The following SGCZ variants were observed in gnomAD, a reference collection of about 807,000 sequenced individuals.
The protein encoded by SGCZ is zeta-sarcoglycan.
Under a neutral mutation model 41.3 loss-of-function variants are expected in SGCZ, and 40 were observed. The observed-to-expected ratio is 0.97, with a 90% CI of 0.75 to 1.26. SGCZ has a LOEUF of 1.26. Ranked by LOEUF, SGCZ falls within the 50% of genes most tolerant of loss-of-function variation. SGCZ has a pLI of 0.00. For synonymous variants in SGCZ, 206 were observed against 137.5 expected (o/e 1.50, Z -3.49); for missense variants, 552 against 369.8 (o/e 1.49, Z -4.04).
At chr8:14,381,371 G>C (rs1804355811) in intron 2 of SGCZ, among the ~76,000 whole-genome samples, 1 of 152,176 alleles carries the variant, frequency 6.6e-6, no homozygotes, top group African/African-American at 2.4e-5. Context: ...CAGCCATCCT[G>C]ATATTAATAA....
chr8:14,331,201 C>T (rs1011676981), intron 2 of SGCZ, among the ~76,000 whole-genome samples: 5 of 151,680 alleles, frequency 3.3e-5, no homozygotes, highest in African/African-American at 9.7e-5. Flanking sequence ...AAAAGGAATA[C>T]ATAAAGAATG....
At chr8:14,755,807 C>T (rs530390813) in intron 1 of SGCZ, among the ~76,000 whole-genome samples, 28 of 152,018 alleles carry the variant, frequency 1.8e-4, no homozygotes, top group African/African-American at 5.5e-4. Context: ...CCTCTACAGA[C>T]TTTCATGTAA....
intron 1 of SGCZ, among the ~76,000 whole-genome samples, chr8:15,040,188 T>C (rs1415515669): frequency 6.6e-6 from 1 of 152,218 alleles, no homozygotes; most frequent in Non-Finnish European, 1.5e-5. Context: ...ATACTAATGG[T>C]TCTAAAGCAA....
At chr8:14,219,153 G>C (rs1806102065) in intron 4 of SGCZ, among the ~76,000 whole-genome samples, 1 of 152,176 alleles carries the variant, frequency 6.6e-6, no homozygotes, top group Non-Finnish European at 1.5e-5. Context: ...AAGAAAAGTG[G>C]ATTTTTGATG....
intron 1 of SGCZ, among the ~76,000 whole-genome samples, chr8:14,816,359 CAATT>C (rs1003425129): frequency 1.3e-5 from 2 of 152,164 alleles, no homozygotes; most frequent in African/African-American, 2.4e-5. Flanking sequence ...AACACTTTGA[CAATT>C]AGTTAAGTGT....
intron 1 of SGCZ, among the ~76,000 whole-genome samples, chr8:14,584,207 T>C (rs906990114): frequency 6.6e-6 from 1 of 152,132 alleles, no homozygotes; most frequent in Non-Finnish European, 1.5e-5. Flanking sequence ...ATGAATTAGA[T>C]ACGGCATTGA....
chr8:14,979,960 A>C (rs562755762), intron 1 of SGCZ, among the ~76,000 whole-genome samples: 1 of 152,340 alleles, frequency 6.6e-6, no homozygotes, highest in African/African-American at 2.4e-5. Context: ...AACCTTGTTA[A>C]ATTTTAGGAA....
intron 7 of SGCZ, among the ~76,000 whole-genome samples, chr8:14,092,347 G>A (rs200122726): frequency 6.6e-6 from 1 of 151,942 alleles, no homozygotes; most frequent in African/African-American, 2.4e-5. Context: ...TTTTCCAGTT[G>A]TGTGAAGAAT....
intron 2 of SGCZ, among the ~76,000 whole-genome samples, chr8:14,417,758 G>A (rs191524223): frequency 5.4e-4 from 81 of 151,284 alleles, no homozygotes; most frequent in African/African-American, 1.8e-3. Flanking sequence ...TATGTAAGGT[G>A]ATAGATATGT....
In SGCZ at chr8:14,299,583, A is replaced by G. The variant is rs1035901653; in HGVS notation, c.336+24520T>C. On this transcript the variant is annotated intron_variant, in intron 3 of 7. Transcript: ENST00000382080. ...TGCTCAACATCATTTGCCATCAGGG[A>G]AATGTGAATATCTCTGACAACCACA... Among the ~76,000 whole-genome samples, 35 of 152,078 alleles carry G rather than the reference A, an allele frequency of 2.3e-4. 1 individual carries two copies. Among genetic ancestry groups the G allele is most frequent in the Admixed American group, 2.0e-3 (30 of 15,256 alleles).
intron 1 of SGCZ, among the ~76,000 whole-genome samples, chr8:15,072,288 G>A (rs1014166420): frequency 7.9e-5 from 12 of 151,992 alleles, no homozygotes; most frequent in Non-Finnish European, 1.3e-4. Context: ...TGTCAAGGTG[G>A]ACGTAAGTCT....
intron 4 of SGCZ, among the ~76,000 whole-genome samples, chr8:14,223,003 G>C (rs571011967): frequency 1.3e-5 from 2 of 151,342 alleles, no homozygotes; most frequent in Admixed American, 6.6e-5. Flanking sequence ...GTAGAGACAG[G>C]GTTTCACCAT....
chr8:15,164,613 C>T (rs1799600682), intron 1 of SGCZ, among the ~76,000 whole-genome samples: 1 of 151,004 alleles, frequency 6.6e-6, no homozygotes, highest in Admixed American at 6.6e-5. Flanking sequence ...TCTTCTCCAC[C>T]CCATCAGCAG....
chr8:14,122,562 G>C (rs959922945), intron 5 of SGCZ, among the ~76,000 whole-genome samples: 8 of 152,136 alleles, frequency 5.3e-5, no homozygotes, highest in African/African-American at 1.9e-4. Context: ...CAACAAAATA[G>C]AATACTTTTA....
At chr8:14,233,554 TTA>T (rs1806647795) in intron 4 of SGCZ, among the ~76,000 whole-genome samples, 1 of 148,208 alleles carries the variant, frequency 6.7e-6, no homozygotes, top group African/African-American at 2.4e-5. Flanking sequence ...GCATAATACT[TTA>T]TTTATACTAC....
intron 1 of SGCZ, among the ~76,000 whole-genome samples, chr8:14,954,368 T>C (rs1331249592): frequency 2.6e-5 from 4 of 152,142 alleles, no homozygotes; most frequent in Admixed American, 2.0e-4. Context: ...TGCCTTCACA[T>C]CCACCTTCAA....
chr8:14,564,244 T>C (rs866643486), intron 1 of SGCZ, among the ~76,000 whole-genome samples: 2 of 152,224 alleles, frequency 1.3e-5, no homozygotes, highest in African/African-American at 4.8e-5. Flanking sequence ...ACCTCTTCAG[T>C]TCCTTACTGG....
intron 1 of SGCZ, among the ~76,000 whole-genome samples, chr8:15,144,374 C>G (rs1175998347): frequency 2.0e-5 from 3 of 151,936 alleles, no homozygotes; most frequent in African/African-American, 7.2e-5. Flanking sequence ...GTTGCATATC[C>G]TCAAATATTA....
At chr8:14,602,018 G>A (rs994716891) in intron 1 of SGCZ, among the ~76,000 whole-genome samples, 2 of 152,110 alleles carry the variant, frequency 1.3e-5, no homozygotes, top group Non-Finnish European at 2.9e-5. Flanking sequence ...TACTCGGGAG[G>A]CTGAGGCAGG....
Sources: gnomAD v4.1 joint callset for allele counts (sites outside exome capture counted in the v4.1 genomes callset) on GRCh38, gnomAD v4.1.1 for gene constraint, MANE v1.5 for transcripts, NCBI Gene and HGNC (gene_info 2026-07-23, HGNC 2026-07-21) for gene names.